The following FKRP variants were observed in gnomAD, a reference collection of about 807,000 sequenced individuals.
FKRP encodes fukutin related protein, also known as ribitol 5-phosphate transferase FKRP.
FKRP carries 25 observed loss-of-function variants against 30.6 expected under a neutral mutation model. That is an observed-to-expected ratio of 0.82 (90% CI 0.60 to 1.14). FKRP has a LOEUF of 1.14. Among genes scored for constraint, FKRP ranks in the 50% most tolerant of loss-of-function variants. The pLI is 0.00. For missense variants in FKRP, 771 were observed against 727.8 expected, an observed-to-expected ratio of 1.06 and a Z score of -0.68; for synonymous variants, 358 against 342.5, an observed-to-expected ratio of 1.05 and a Z score of -0.50.
At position 46,756,132 on chromosome 19, in the gene FKRP, C is replaced by T. The variant is rs886044590; in HGVS notation, c.682C>T (p.Leu228Phe). The change falls in exon 4 of 4, where the codon CTT becomes TTT. Residue 228 changes from leucine (L) to phenylalanine (F), a missense_variant. Leu to Phe is a conservative substitution (Grantham distance 22). Coordinates refer to ENST00000318584, the MANE Select transcript of FKRP (RefSeq NM_024301.5). This position sits in a 1 kb window ranked among gnomAD's most constrained non-coding sequence, Gnocchi z 6.6. ...CACCAGCCTCTTTCTGCAGACCGCC[C>T]TTCGCGGCTGGGCGGTGCAGCTGCT... ...VGTSLFLQTALRGWAVQLLDL... is the reference protein window; with the variant it reads ...VGTSLFLQTAFRGWAVQLLDL... 1 of 1,499,704 alleles carries T rather than the reference C, an allele frequency of 6.7e-7. No individual in the cohort carries two copies. The highest frequency in any genetic ancestry group is 2.2e-5 in the Admixed American group (1 of 44,784). 92.9% of individuals were successfully genotyped at this position (1,499,704 alleles called of 1,614,324 possible).
rs794727653 is a variant in FKRP at position 46,756,414 on chromosome 19, C to T, written c.964C>T (p.Leu322=). The change falls in exon 4 of 4, where the codon CTG becomes TTG. Residue 322 remains leucine (L), a synonymous_variant. Coordinates refer to ENST00000318584, the MANE Select transcript of FKRP (RefSeq NM_024301.5). This position sits in a 1 kb window ranked among gnomAD's most constrained non-coding sequence, Gnocchi z 6.6. ...RWTPPCCLRA[L]RETARYVVGV... ...GACGCCCCCCTGCTGCCTGCGCGCG[C>T]TGCGCGAGACCGCCCGCTATGTGGT... is the stretch of plus-strand genomic sequence containing the variant. 6.3e-7 allele frequency: 1 copy of T among 1,575,598 alleles called. No individual in the cohort carries two copies. Among genetic ancestry groups the T allele is most frequent in the South Asian group, 1.2e-5 (1 of 86,532 alleles).
intron 3 of FKRP, among the ~76,000 whole-genome samples, chr19:46,751,981 G>T (rs906846488): frequency 6.6e-6 from 1 of 152,182 alleles, no homozygotes; most frequent in African/African-American, 2.4e-5. Context: ...GGCTATCTGG[G>T]ATAAGAACAC....
rs764311774 is a variant in FKRP at position 46,756,757 on chromosome 19, G to C, written c.1307G>C (p.Arg436Pro). 1.2e-6 allele frequency: 2 copies of C among 1,605,654 alleles called. No homozygotes were observed. The highest frequency in any genetic ancestry group is 1.7e-6 in the Non-Finnish European group (2 of 1,176,510). ...ACCAAGGACACGTGGCTGGACCACC[G>C]GCAGGATGTGGAGTTTCCCGAGCAC... ...VMTKDTWLDHRQDVEFPEHFL... is the reference protein window; with the variant it reads ...VMTKDTWLDHPQDVEFPEHFL... The change falls in exon 4 of 4, where the codon CGG (arginine) becomes CCG (proline). Residue 436 changes from arginine (R) to proline (P), a missense_variant. Coordinates refer to ENST00000318584, the MANE Select transcript of FKRP (RefSeq NM_024301.5). The surrounding 1 kb of genome is among the most constrained non-coding windows in gnomAD (Gnocchi z 6.6).
chr19:46,756,998 G>A lies in FKRP; in HGVS notation c.*60G>A. The A allele has an allele frequency of 1.3e-6, 2 of 1,598,576 alleles. No homozygotes were observed. Among genetic ancestry groups the A allele is most frequent in the Non-Finnish European group, 1.7e-6 (2 of 1,170,766 alleles). On this transcript the variant is annotated 3_prime_UTR_variant, in exon 4 of 4. Transcript: ENST00000318584. The surrounding 1 kb of genome is among the most constrained non-coding windows in gnomAD (Gnocchi z 6.6). Reference sequence around the variant, plus strand: ...CTGTCTGGATGTGGAGAAGCTCTGTGTGAGCGGTGAGGGGTGGAGGGATGT... The same window carrying A: ...CTGTCTGGATGTGGAGAAGCTCTGTATGAGCGGTGAGGGGTGGAGGGATGT...
upstream of FKRP, chr19:46,745,818 C>A: frequency 4.5e-6 from 1 of 220,620 alleles, no homozygotes; most frequent in Non-Finnish European, 8.9e-6. Flanking sequence ...AGGAGCCCCG[C>A]GGCCAGCGTG....
At chr19:46,746,427 T>A (rs2054622779) in intron 1 of FKRP, 1 of 1,020,164 alleles carries the variant, frequency 9.8e-7, no homozygotes. Context: ...CGCTCCTCCA[T>A]CATGGAGGCC....
intron 3 of FKRP, among the ~76,000 whole-genome samples, chr19:46,751,123 C>G (rs1372364701): frequency 6.6e-6 from 1 of 151,036 alleles, no homozygotes; most frequent in Non-Finnish European, 1.5e-5. Context: ...AGTGCAGTGG[C>G]GCCATCACAG....
rs781414509 is a variant in FKRP at position 46,756,511 on chromosome 19, G to A, written c.1061G>A (p.Gly354Glu). 67 of 1,585,812 alleles carry A rather than the reference G, an allele frequency of 4.2e-5. No homozygotes were observed. In the South Asian group the frequency reaches 6.5e-4, roughly 15 times the overall value. Residue 354 changes from glycine to glutamate, a missense_variant, in exon 4 of 4, where the codon GGG becomes GAG. Transcript: ENST00000318584. The surrounding 1 kb of genome is among the most constrained non-coding windows in gnomAD (Gnocchi z 6.6). ...TCACTGCTGGGGGCCGCCCGCCACGGGGACATCATCCCATGGGACTACGAC... is the reference window on the plus strand; with the variant it reads ...TCACTGCTGGGGGCCGCCCGCCACGAGGACATCATCCCATGGGACTACGAC... ...GGSLLGAARH[G>E]DIIPWDYDVD...
At chr19:46,746,031 G>GC (rs1272490498), upstream of FKRP, 6,177 of 1,134,980 alleles carry the variant, frequency 5.4e-3, 34 homozygotes, top group South Asian at 0.03. Context: ...GTCCCCTCCC[G>GC]CCCCCCCGCC....
rs1205257923 is a variant in FKRP, at chr19:46,756,084, G to A, written c.634G>A (p.Ala212Thr). The stretch of plus-strand genomic sequence containing the variant: ...CGCCCGCGACCTCTTCAACCTCTCG[G>A]CGCCCCTGGCCCGGCCGGTGGGCAC... The part of the protein sequence containing the change: ...LRARDLFNLS[A>T]PLARPVGTSL... The change falls in exon 4 of 4, where the codon GCG (alanine) becomes ACG (threonine). Residue 212 changes from alanine (A) to threonine (T), a missense_variant. Coordinates refer to ENST00000318584, the MANE Select transcript of FKRP (RefSeq NM_024301.5). This position sits in a 1 kb window ranked among gnomAD's most constrained non-coding sequence, Gnocchi z 6.6. 3 of 1,551,150 alleles carry A rather than the reference G, an allele frequency of 1.9e-6. No individual in the cohort carries two copies. Among genetic ancestry groups the A allele is most frequent in the Admixed American group, 1.8e-5 (1 of 54,560 alleles).
At chr19:46,746,502 C>A (rs867067375) in intron 1 of FKRP, 103 of 796,108 alleles carry the variant, frequency 1.3e-4, no homozygotes, top group Admixed American at 1.1e-3. Context: ...CACCCCCCCC[C>A]CTCCCCCGCC....
chr19:46,755,470 AG>A lies in FKRP; in HGVS notation c.22del (p.Ala8LeufsTer60). 6.2e-7 allele frequency: 1 copy of A among 1,608,368 alleles called. No homozygotes were observed. Among genetic ancestry groups the A allele is most frequent in the East Asian group, 2.2e-5 (1 of 44,818 alleles). MRLTRC[Q>X]AALAAAITLN... Reference sequence around the variant, plus strand: ...GGCCCCATGCGGCTCACCCGCTGCCAGGCTGCCCTGGCGGCCGCCATCACCC... The same window carrying A: ...GGCCCCATGCGGCTCACCCGCTGCCAGCTGCCCTGGCGGCCGCCATCACCC... On this transcript the variant is annotated frameshift_variant, in exon 4 of 4. Coordinates refer to ENST00000318584, the MANE Select transcript of FKRP (RefSeq NM_024301.5). LOFTEE classifies it high-confidence loss of function.
intron 1 of FKRP, chr19:46,746,436 C>G (rs1307793144): frequency 9.9e-7 from 1 of 1,013,940 alleles, no homozygotes; most frequent in Non-Finnish European, 1.2e-6. Flanking sequence ...ATCATGGAGG[C>G]CCCGGGGCCG....
intron 3 of FKRP, among the ~76,000 whole-genome samples, chr19:46,752,485 ATGT>A (rs780533902): frequency 2.6e-4 from 40 of 152,264 alleles, no homozygotes; most frequent in Non-Finnish European, 4.9e-4. Flanking sequence ...AGTGCCTGGC[ATGT>A]TGTAGGAGTT....
chr19:46,749,054 C>A (rs2054733210), intron 3 of FKRP: 1 of 152,210 alleles, frequency 6.6e-6, no homozygotes, highest in African/African-American at 2.4e-5. Context: ...TGTCAGTCTT[C>A]TTTCTGTCTT....
intron 1 of FKRP, chr19:46,747,182 CT>C (rs1393712952): frequency 6.6e-6 from 1 of 152,630 alleles, no homozygotes; most frequent in Non-Finnish European, 1.5e-5. Flanking sequence ...CCGTCTTCCC[CT>C]TCCCATCGTG....
rs893864012 is a variant in FKRP, at chr19:46,757,358, G to A, written c.*420G>A. 8.9e-6 allele frequency: 2 copies of A among 223,628 alleles called. No individual in the cohort carries two copies. Among genetic ancestry groups the A allele is most frequent in the Non-Finnish European group, 2.0e-5 (2 of 100,652 alleles). The allele number at this position is 223,628 out of a possible 1,614,324, so 13.9% of individuals were successfully genotyped here. A position where few individuals can be genotyped will look rare whatever the true frequency, so the allele number is the denominator to read the frequency against. ...GCAGGCTCTGGAGCCAGACTGGCGA[G>A]ATTCAAATCCTGGCTCTATCGCTTC... On this transcript the variant is annotated 3_prime_UTR_variant, in exon 4 of 4. Transcript: ENST00000318584.
intron 3 of FKRP, 97 bp from the exon 4 acceptor site, chr19:46,755,315 T>C (rs1234530985): frequency 6.4e-6 from 5 of 784,398 alleles, no homozygotes; most frequent in South Asian, 1.9e-5. Flanking sequence ...AGAAAGGGAA[T>C]TGAGAAAGAG....
In FKRP at chr19:46,757,961, A is replaced by AAT; in HGVS notation, c.*1025_*1026dup. The AAT allele has an allele frequency of 6.0e-6, 1 of 167,164 alleles. No homozygotes were observed. The highest frequency in any genetic ancestry group is 1.5e-5 in the Non-Finnish European group (1 of 68,148). 10.4% of individuals were successfully genotyped at this position (167,164 alleles called of 1,614,324 possible). On this transcript the variant is annotated 3_prime_UTR_variant, in exon 4 of 4. Coordinates refer to ENST00000318584, the MANE Select transcript of FKRP (RefSeq NM_024301.5). ...CTGAATCGCAGCTCCACTCATGACT[A>AAT]ATACCTCATTATTTCAGCTGTCTGC...
Sources: allele counts gnomAD v4.1 joint callset (sites outside exome capture counted in the v4.1 genomes callset), GRCh38; gene constraint gnomAD v4.1.1; non-coding constraint Gnocchi (gnomAD v3.1); transcripts MANE v1.5; gene names NCBI Gene and HGNC (gene_info 2026-07-23, HGNC 2026-07-21).